Variants in ZNF283 observed in about 807,000 individuals in gnomAD.
The protein encoded by ZNF283 is zinc finger protein 41.
A neutral mutation model predicts 9.2 loss-of-function variants in ZNF283; 10 were observed. That is an observed-to-expected ratio of 1.09 (90% CI 0.67 to 1.85). The LOEUF is 1.85. Ranked by LOEUF, ZNF283 falls within the 40% of genes most tolerant of loss-of-function variation. The pLI, the probability that ZNF283 is intolerant of heterozygous loss-of-function variation, is 0.00. For missense variants in ZNF283, 631 were observed against 760.1 expected (o/e 0.83, Z 2.00); for synonymous variants, 234 against 244.1 (o/e 0.96, Z 0.38).
At position 43,847,353 on chromosome 19, in the gene ZNF283, A is replaced by G. The variant is rs368047641; in HGVS notation, c.752A>G (p.Asn251Ser). 89 of 1,613,748 alleles carry G rather than the reference A, an allele frequency of 5.5e-5. No individual in the cohort carries two copies. The highest frequency in any genetic ancestry group is 7.2e-5 in the Non-Finnish European group (85 of 1,179,912). The change falls in exon 7 of 7, where the codon AAT (asparagine) becomes AGT (serine). Residue 251 changes from asparagine to serine, a missense_variant. Asn to Ser is a conservative substitution (Grantham distance 46, BLOSUM62 1). Around this residue, in one of 3 missense-constraint regions of ZNF283, gnomAD observed 444 missense variants for 522.5 expected, o/e 0.85. Coordinates refer to ENST00000618787, the MANE Select transcript of ZNF283 (RefSeq NM_181845.2). Reference protein sequence around the residue: ...GKNYLSAYQLNVHQRFHTGEK... With the variant: ...GKNYLSAYQLSVHQRFHTGEK... ...AATTATTTAAGTGCCTATCAACTCA[A>G]TGTGCATCAGAGATTTCATACTGGT... is the stretch of plus-strand genomic sequence containing the variant.
At chr19:43,836,833 C>T (rs562778496) in intron 5 of ZNF283, among the ~76,000 whole-genome samples, 6 of 152,236 alleles carry the variant, frequency 3.9e-5, no homozygotes, top group Admixed American at 1.3e-4. Flanking sequence ...TCACAGTATC[C>T]GGGAAGTTTT....
intron 6 of ZNF283, 59 bp from the exon 7 acceptor site, chr19:43,846,877 GTTT>G (rs72062467): frequency 5.1e-4 from 425 of 837,626 alleles, no homozygotes; most frequent in East Asian, 7.6e-4. Flanking sequence ...TTCTACTGTA[GTTT>G]TTTTTTTTTT....
chr19:43,840,761 C>T (rs570306535), intron 6 of ZNF283: 1 of 151,802 alleles, frequency 6.6e-6, no homozygotes, highest in Admixed American at 6.6e-5. Flanking sequence ...TCTCGGCTCA[C>T]TGCAAGCTCT....
chr19:43,848,761 A>G lies in ZNF283; in HGVS notation c.*120A>G. The G allele has an allele frequency of 1.0e-6, 1 of 952,726 alleles. No individual in the cohort carries two copies. Among genetic ancestry groups the G allele is most frequent in the South Asian group, 2.6e-5 (1 of 38,980 alleles). The allele number at this position is 952,726 out of a possible 1,614,324, so 59.0% of individuals were successfully genotyped here. On this transcript the variant is annotated 3_prime_UTR_variant, in exon 7 of 7. Transcript: ENST00000618787. ...GTGCAAAAGCCATTCATTTCTGTTT[A>G]TGGGCAATTATCTTGCTATCCAGCA...
intron 5 of ZNF283, among the ~76,000 whole-genome samples, 184 bp from the exon 6 acceptor site, chr19:43,836,869 A>G (rs1484943733): frequency 6.6e-6 from 1 of 152,246 alleles, no homozygotes; most frequent in Non-Finnish European, 1.5e-5. Context: ...ATTCTCGTAG[A>G]ACATGTTGAC....
At position 43,837,074 on chromosome 19, in the gene ZNF283, G is replaced by A; in HGVS notation, c.232G>A (p.Val78Met). Residue 78 changes from valine (V) to methionine (M), a missense_variant, in exon 6 of 7, where the codon GTG becomes ATG. Around this residue, in one of 3 missense-constraint regions of ZNF283, gnomAD observed 184 missense variants for 220.0 expected, o/e 0.84. Coordinates refer to ENST00000618787, the MANE Select transcript of ZNF283 (RefSeq NM_181845.2). ...MTDGLVTFRD[V>M]AIDFSQEEWE... ...TTAGGGGTTGGTGACATTCAGGGAT[G>A]TGGCCATCGACTTCTCTCAGGAGGA... is the stretch of plus-strand genomic sequence containing the variant. The A allele has an allele frequency of 6.2e-7, 1 of 1,614,140 alleles. No homozygotes were observed. The highest frequency in any genetic ancestry group is 8.5e-7 in the Non-Finnish European group (1 of 1,180,024).
chr19:43,836,934 C>T, intron 5 of ZNF283, 119 bp from the exon 6 acceptor site: 1 of 1,093,114 alleles, frequency 9.1e-7, no homozygotes, highest in Non-Finnish European at 1.3e-6. Flanking sequence ...CAGAGGCTTT[C>T]AGCCTACTCG....
At position 43,833,484 on chromosome 19, in the gene ZNF283, CTTTT is replaced by C. The variant is rs55882936; in HGVS notation, c.1-7_1-4del. The C allele has an allele frequency of 6.0e-4, 83 of 137,890 alleles. No individual in the cohort carries two copies. Among genetic ancestry groups the C allele is most frequent in the Middle Eastern group, 3.2e-3 (1 of 314 alleles). The allele number at this position is 137,890 out of a possible 1,614,324, so 8.5% of individuals were successfully genotyped here. On this transcript the variant is annotated splice_polypyrimidine_tract_variant and intron_variant, in intron 3 of 6. Coordinates refer to ENST00000618787, the MANE Select transcript of ZNF283 (RefSeq NM_181845.2). Reference sequence around the variant, plus strand: ...GTGTTTCTTTCTTCTTTACCTATTTCTTTTTTTTTTTTTTTTTCAGATGGAGTCT... The same window carrying C: ...GTGTTTCTTTCTTCTTTACCTATTTCTTTTTTTTTTTTTCAGATGGAGTCT...
At chr19:43,834,094 A>T (rs1361481849) in intron 4 of ZNF283, among the ~76,000 whole-genome samples, 1 of 152,212 alleles carries the variant, frequency 6.6e-6, no homozygotes, top group Non-Finnish European at 1.5e-5. Flanking sequence ...TATACTTTAT[A>T]GTTTTTATTC....
At chr19:43,844,742 C>T (rs554255484) in intron 6 of ZNF283, among the ~76,000 whole-genome samples, 41 of 152,194 alleles carry the variant, frequency 2.7e-4, no homozygotes, top group African/African-American at 7.9e-4. Flanking sequence ...ATGAAAACCC[C>T]GCACAACCAA....
chr19:43,838,103 C>A (rs1971054921), intron 6 of ZNF283: 1 of 152,176 alleles, frequency 6.6e-6, no homozygotes, highest in African/African-American at 2.4e-5. Context: ...GGTTTGTCTG[C>A]TATTTCTTCA....
chr19:43,833,542 G>A lies in ZNF283; in HGVS notation c.38G>A (p.Trp13Ter), dbSNP rs1970818682. 1 of 188,078 alleles carries A rather than the reference G, an allele frequency of 5.3e-6. No individual in the cohort carries two copies. The highest frequency in any genetic ancestry group is 1.0e-5 in the Non-Finnish European group (1 of 97,624). The allele number at this position is 188,078 out of a possible 1,614,324, so 11.7% of individuals were successfully genotyped here. ...TCTGTCGCCCAGGCTGGAGTGCAGT[G>A]GTGCGATCTTGGCTCACTGCAAGCT... ...SRSVAQAGVQ[W>*]CDLGSLQAPP... The change falls in exon 4 of 7, where the codon TGG becomes TAG. Residue 13 changes from tryptophan to a stop codon, truncating the protein, a stop_gained. Coordinates refer to ENST00000618787, the MANE Select transcript of ZNF283 (RefSeq NM_181845.2). LOFTEE classifies it high-confidence loss of function.
intron 2 of ZNF283, among the ~76,000 whole-genome samples, chr19:43,828,852 A>G (rs1346798632): frequency 6.6e-6 from 1 of 152,166 alleles, no homozygotes; most frequent in Non-Finnish European, 1.5e-5. Flanking sequence ...AAGGCAAGGT[A>G]TAAGGGATTT....
rs1359604555 is a variant in ZNF283 at position 43,848,101 on chromosome 19, T to G, written c.1500T>G (p.Tyr500Ter). 1.2e-6 allele frequency: 2 copies of G among 1,612,718 alleles called. No individual in the cohort carries two copies. The highest frequency in any genetic ancestry group is 2.7e-5 in the African/African-American group (2 of 74,486). ...GCGGAAAGACCTTTTGTAGTGGGTATCAACTTACTCGACATCAGGTATTTC... is the reference window on the plus strand; with the variant it reads ...GCGGAAAGACCTTTTGTAGTGGGTAGCAACTTACTCGACATCAGGTATTTC... ...KECGKTFCSG[Y>*]QLTRHQVFHT... Residue 500 changes from tyrosine (Y) to a stop codon, truncating the protein, a stop_gained, in exon 7 of 7, where the codon TAT becomes TAG. Coordinates refer to ENST00000618787, the MANE Select transcript of ZNF283 (RefSeq NM_181845.2). LOFTEE classifies it low-confidence loss of function (END_TRUNC).
At chr19:43,843,347 A>C (rs13344589) in intron 6 of ZNF283, among the ~76,000 whole-genome samples, 62,558 of 151,602 alleles carry the variant, frequency 0.41, 13,399 homozygotes, top group South Asian at 0.55. Context: ...CCCCACCCCC[A>C]AAAAAATTGT....
intron 2 of ZNF283, among the ~76,000 whole-genome samples, chr19:43,829,887 G>C (rs1970628707): frequency 6.6e-6 from 1 of 152,034 alleles, no homozygotes; most frequent in Admixed American, 6.6e-5. Context: ...GCCGGGCATG[G>C]TGGCGGGTGG....
rs1436630789 is a variant in ZNF283 at position 43,838,566 on chromosome 19, C to G, written c.337+1387C>G. On this transcript the variant is annotated intron_variant, in intron 6 of 6. Coordinates refer to ENST00000618787, the MANE Select transcript of ZNF283 (RefSeq NM_181845.2). The stretch of plus-strand genomic sequence containing the variant: ...ATTGCTTGAACCTAAGAGGTTGAGG[C>G]TGCAGTGAGCTGAGATTGTGTCACC... Among the ~76,000 whole-genome samples the G allele has an allele frequency of 2.0e-5, 3 of 152,142 alleles. No individual in the cohort carries two copies. The East Asian group carries it at 5.8e-4, about 29-fold the overall frequency.
chr19:43,837,424 A>G lies in ZNF283; in HGVS notation c.337+245A>G, dbSNP rs186887472. 85 of 420,238 alleles carry G rather than the reference A, an allele frequency of 2.0e-4. 1 individual carries two copies. Among genetic ancestry groups the G allele is most frequent in the Non-Finnish European group, 2.8e-4 (67 of 239,132 alleles). 26.0% of individuals were successfully genotyped at this position (420,238 alleles called of 1,614,324 possible). A position where few individuals can be genotyped will look rare whatever the true frequency, so the allele number is the denominator to read the frequency against. ...AATCACCTCTCTCCTTTAATGGCCA[A>G]GGGGCTGGATTTGCATTATAGAACA... is the stretch of plus-strand genomic sequence containing the variant. On this transcript the variant is annotated intron_variant, in intron 6 of 6. Coordinates refer to ENST00000618787, the MANE Select transcript of ZNF283 (RefSeq NM_181845.2).
chr19:43,846,877 G>GTTTTT (rs72062467), intron 6 of ZNF283, 62 bp from the exon 7 acceptor site: 3 of 838,576 alleles, frequency 3.6e-6, no homozygotes, highest in African/African-American at 1.9e-5. Flanking sequence ...TTCTACTGTA[G>GTTTTT]TTTTTTTTTT....
Sources: gnomAD v4.1 joint callset for allele counts (sites outside exome capture counted in the v4.1 genomes callset) on GRCh38, gnomAD v4.1.1 for gene constraint, gnomAD v4.1.1 regional missense constraint, MANE v1.5 for transcripts, NCBI Gene and HGNC (gene_info 2026-07-23, HGNC 2026-07-21) for gene names.